Variants in CLDN14 observed in about 807,000 individuals in gnomAD.
CLDN14 encodes the protein claudin-14.
In CLDN14, 2 loss-of-function variants were observed where a neutral mutation model predicts 2.1. The ratio of observed to expected loss-of-function variants is 0.96; its 90% CI spans 0.39 to 3.01. CLDN14 has a LOEUF of 3.01. Among genes scored for constraint, CLDN14 ranks in the 30% most tolerant of loss-of-function variants. The pLI is 0.09. For synonymous variants in CLDN14, 136 were observed against 154.4 expected (o/e 0.88, Z 0.88); for missense variants, 298 against 328.0 (o/e 0.91, Z 0.71).
At chr21:36,534,842 T>C (rs1042725032) in intron 1 of CLDN14, among the ~76,000 whole-genome samples, 2 of 152,154 alleles carry the variant, frequency 1.3e-5, no homozygotes, top group African/African-American at 4.8e-5. Context: ...TATTTAAATA[T>C]TGAGTGGGTT....
intron 1 of CLDN14, among the ~76,000 whole-genome samples, chr21:36,523,744 T>C (rs1210768253): frequency 2.2e-4 from 8 of 35,984 alleles, no homozygotes; most frequent in Non-Finnish European, 4.2e-4. Flanking sequence ...TGAGACTCCA[T>C]CTAAAAAAAA....
intron 1 of CLDN14, among the ~76,000 whole-genome samples, chr21:36,514,449 G>T (rs1374067014): frequency 6.6e-6 from 1 of 152,146 alleles, no homozygotes; most frequent in African/African-American, 2.4e-5. Flanking sequence ...TCCACAGTGC[G>T]CCAGAAGCAA....
At chr21:36,557,930 A>G (rs2087610387) in intron 1 of CLDN14, among the ~76,000 whole-genome samples, 1 of 152,124 alleles carries the variant, frequency 6.6e-6, no homozygotes, top group African/African-American at 2.4e-5. Flanking sequence ...GTTAATCTTT[A>G]ATCTATTTTG....
At chr21:36,483,323 T>C (rs2086865947), upstream of CLDN14, among the ~76,000 whole-genome samples, 1 of 152,374 alleles carries the variant, frequency 6.6e-6, no homozygotes, top group Non-Finnish European at 1.5e-5. Context: ...GGTCCAGTGC[T>C]AGCTTCGCAG....
At chr21:36,565,901 A>G (rs556813354) in intron 1 of CLDN14, among the ~76,000 whole-genome samples, 1 of 152,352 alleles carries the variant, frequency 6.6e-6, no homozygotes, top group East Asian at 1.9e-4. Context: ...AGACATTGGG[A>G]ACCAGTGGTC....
chr21:36,540,604 G>A (rs906062932), intron 1 of CLDN14, among the ~76,000 whole-genome samples: 4 of 152,120 alleles, frequency 2.6e-5, no homozygotes, highest in African/African-American at 9.7e-5. Flanking sequence ...GGGGGTTTGA[G>A]GAGTGTCTCT....
intron 1 of CLDN14, among the ~76,000 whole-genome samples, chr21:36,511,715 G>A (rs2087188331): frequency 6.6e-6 from 1 of 152,048 alleles, no homozygotes; most frequent in Non-Finnish European, 1.5e-5. Flanking sequence ...AGATTCAGAT[G>A]TACAAGAAGC....
At chr21:36,530,225 C>T (rs1438371733) in intron 1 of CLDN14, among the ~76,000 whole-genome samples, 1 of 151,650 alleles carries the variant, frequency 6.6e-6, no homozygotes, top group African/African-American at 2.4e-5. Flanking sequence ...TCATTTCAGC[C>T]ACAGACCGTG....
chr21:36,521,973 C>G (rs972031106), intron 1 of CLDN14, among the ~76,000 whole-genome samples: 2 of 152,170 alleles, frequency 1.3e-5, no homozygotes, highest in Non-Finnish European at 2.9e-5. Flanking sequence ...TTAGAATTTT[C>G]TATCAGCAGC....
intron 1 of CLDN14, among the ~76,000 whole-genome samples, chr21:36,568,116 T>C (rs2146527965): frequency 6.6e-6 from 1 of 151,936 alleles, no homozygotes; most frequent in Non-Finnish European, 1.5e-5. Context: ...AAGTGGGAGG[T>C]TACAGAGTGG....
chr21:36,524,376 A>T (rs11088354), intron 1 of CLDN14, among the ~76,000 whole-genome samples: 1 of 152,052 alleles, frequency 6.6e-6, no homozygotes, highest in Non-Finnish European at 1.5e-5. Context: ...CCTGTCTTGG[A>T]CTCCCAAAGT....
chr21:36,486,307 T>G (rs757648899), intron 2 of CLDN14: 5 of 803,848 alleles, frequency 6.2e-6, no homozygotes, highest in Middle Eastern at 2.2e-4. Context: ...TCTTGTTGGC[T>G]AATGGTCATC....
At chr21:36,490,949 GACACACACACACACACAC>G (rs3030068) in intron 2 of CLDN14, among the ~76,000 whole-genome samples, 7 of 148,754 alleles carry the variant, frequency 4.7e-5, no homozygotes, top group Admixed American at 2.7e-4. Flanking sequence ...CAAGTGCACA[GACACACACACACACACAC>G]ACACACACAC....
At chr21:36,553,837 T>G (rs1462111748) in intron 1 of CLDN14, among the ~76,000 whole-genome samples, 3 of 152,096 alleles carry the variant, frequency 2.0e-5, no homozygotes, top group Non-Finnish European at 4.4e-5. Flanking sequence ...CATCATTCCA[T>G]CTGTGGAGAC....
rs75279417 is a variant in CLDN14 at position 36,562,849 on chromosome 21, C to A, written c.-220+13562G>T. Among the ~76,000 whole-genome samples, 300 of 152,212 alleles carry A rather than the reference C, an allele frequency of 2.0e-3. 1 individual carries two copies. Among genetic ancestry groups the A allele is most frequent in the African/African-American group, 6.9e-3 (285 of 41,528 alleles). ...CCCACTGGCCTGGGAATTCTAATAA[C>A]CCTGGCTTCATGGGTAATTTGGGGT... On this transcript the variant is annotated intron_variant, in intron 1 of 2. Coordinates refer to the CLDN14 transcript ENST00000342108.
chr21:36,531,693 T>G (rs1233266427), intron 1 of CLDN14, among the ~76,000 whole-genome samples: 1 of 127,398 alleles, frequency 7.8e-6, no homozygotes, highest in Non-Finnish European at 1.6e-5. Context: ...TCTTTGTCTG[T>G]TTTTTTTTTT....
At chr21:36,522,634 A>G (rs2146494080) in intron 1 of CLDN14, among the ~76,000 whole-genome samples, 1 of 152,352 alleles carries the variant, frequency 6.6e-6, no homozygotes, top group South Asian at 2.1e-4. Context: ...TAACCGGAGA[A>G]CAGCGCAAGA....
chr21:36,498,040 C>T lies in CLDN14; in HGVS notation c.-82+12323G>A, dbSNP rs1265233969. On this transcript the variant is annotated intron_variant, in intron 2 of 2. Coordinates refer to the CLDN14 transcript ENST00000342108. The surrounding 1 kb of genome is among the most constrained non-coding windows in gnomAD (Gnocchi z 4.9). ...TTTGAGATGGAGTTTTGCTCTGTTG[C>T]CCAGGCTGGAGTGCAGTGGTGCAAT... is the stretch of plus-strand genomic sequence containing the variant. Among the ~76,000 whole-genome samples the T allele has an allele frequency of 2.6e-5, 4 of 151,368 alleles. No homozygotes were observed. The highest frequency in any genetic ancestry group is 9.7e-5 in the African/African-American group (4 of 41,132).
At chr21:36,547,116 A>G (rs1405142282) in intron 1 of CLDN14, among the ~76,000 whole-genome samples, 1 of 152,230 alleles carries the variant, frequency 6.6e-6, no homozygotes, top group Non-Finnish European at 1.5e-5. Context: ...GACTATTCCT[A>G]GGAAATTGAC....
Sources: allele counts gnomAD v4.1 joint callset (sites outside exome capture counted in the v4.1 genomes callset), GRCh38; gene constraint gnomAD v4.1.1; non-coding constraint Gnocchi (gnomAD v3.1); transcripts MANE v1.5; gene names NCBI Gene and HGNC (gene_info 2026-07-23, HGNC 2026-07-21).